Variants in CD36 observed in about 807,000 individuals in gnomAD.
The protein encoded by CD36 is platelet glycoprotein 4.
In CD36, 119 loss-of-function variants were observed where a neutral mutation model predicts 55.2. The observed-to-expected ratio is 2.15, with a 90% confidence interval of 1.86 to 2.51. The LOEUF (loss-of-function observed/expected upper bound fraction) is 2.51. CD36 is among the 30% of genes most tolerant of loss of function. The pLI, the probability that CD36 is intolerant of heterozygous loss-of-function variation, is 0.00. For missense variants in CD36, 819 were observed against 555.5 expected, an observed-to-expected ratio of 1.47 and a Z score of -4.77; for synonymous variants, 186 against 193.6, an observed-to-expected ratio of 0.96 and a Z score of 0.33.
intron 1 of CD36, among the ~76,000 whole-genome samples, chr7:80,622,094 G>T (rs1228248496): frequency 1.3e-5 from 2 of 152,180 alleles, no homozygotes. Flanking sequence ...TCCGTAAAAG[G>T]CCCCATACCC....
chr7:80,615,289 T>C (rs1462211705), intron 1 of CD36, among the ~76,000 whole-genome samples: 1 of 152,212 alleles, frequency 6.6e-6, no homozygotes, highest in African/African-American at 2.4e-5. Flanking sequence ...CTCCAACTTA[T>C]AATTATTTAA....
At position 80,666,448 on chromosome 7, in the gene CD36, TG is replaced by T; in HGVS notation, c.708del (p.Ser237ProfsTer9). On this transcript the variant is annotated frameshift_variant, in exon 8 of 15. Transcript: ENST00000447544. LOFTEE classifies it high-confidence loss of function. ...IIDTYKGKRN[L>X]SYWESHCDMI... is the part of the protein sequence containing the mutation. ...TTGTCTTTTTCTATTCCTAGGAATC[TG>T]TCCTATTGGGAAAGTCACTGCGACA... is the stretch of plus-strand genomic sequence containing the variant. The T allele has an allele frequency of 6.3e-7, 1 of 1,598,528 alleles. No homozygotes were observed. Among genetic ancestry groups the T allele is most frequent in the African/African-American group, 1.3e-5 (1 of 74,744 alleles).
At chr7:80,671,832 G>A in intron 10 of CD36, 90 bp from the exon 11 acceptor site, 1 of 1,180,482 alleles carries the variant, frequency 8.5e-7, no homozygotes, top group African/African-American at 1.5e-5. Context: ...TTTAATGCAA[G>A]AAGCTTTAGT....
chr7:80,625,613 T>C (rs1793699302), intron 1 of CD36, among the ~76,000 whole-genome samples: 1 of 152,138 alleles, frequency 6.6e-6, no homozygotes, highest in Admixed American at 6.6e-5. Context: ...CTAGACAAGC[T>C]GTGATTAAAT....
At chr7:80,666,620 CAG>C in intron 8 of CD36, 131 bp downstream of exon 8, 2 of 731,276 alleles carry the variant, frequency 2.7e-6, no homozygotes, top group South Asian at 1.4e-5. Flanking sequence ...CAACAAAATT[CAG>C]AGTCACTATT....
At chr7:80,630,684 T>G (rs1051428707) in intron 1 of CD36, among the ~76,000 whole-genome samples, 25 of 151,978 alleles carry the variant, frequency 1.6e-4, no homozygotes, top group South Asian at 4.1e-4. Flanking sequence ...CCTGCCTATT[T>G]TGATTACCCA....
At chr7:80,642,464 T>C (rs1352963064) in intron 1 of CD36, among the ~76,000 whole-genome samples, 1 of 152,166 alleles carries the variant, frequency 6.6e-6, no homozygotes, top group Non-Finnish European at 1.5e-5. Flanking sequence ...AAAAGCTGTG[T>C]GACTACATGT....
In CD36 at chr7:80,666,458, G is replaced by C; in HGVS notation, c.717G>C (p.Trp239Cys). The part of the protein sequence containing the change: ...TYKGKRNLSY[W>C]ESHCDMINGT... ...CTATTCCTAGGAATCTGTCCTATTG[G>C]GAAAGTCACTGCGACATGATTAATG... is the stretch of plus-strand genomic sequence containing the variant. Residue 239 changes from tryptophan (W) to cysteine (C), a missense_variant, in exon 8 of 15, where the codon TGG (tryptophan) becomes TGC (cysteine). Physicochemically the swap from Trp to Cys is radical, Grantham distance 215 (BLOSUM62 -2). Transcript: ENST00000447544. The C allele has an allele frequency of 6.2e-7, 1 of 1,606,934 alleles. No individual in the cohort carries two copies. Among genetic ancestry groups the C allele is most frequent in the African/African-American group, 1.3e-5 (1 of 74,868 alleles).
intron 3 of CD36, among the ~76,000 whole-genome samples, chr7:80,647,609 G>C (rs894956525): frequency 1.3e-5 from 2 of 152,228 alleles, no homozygotes; most frequent in South Asian, 2.1e-4. Flanking sequence ...TGATTGATAG[G>C]GGGAAGAAGA....
intron 3 of CD36, among the ~76,000 whole-genome samples, chr7:80,652,840 A>G (rs1306991394): frequency 6.6e-6 from 1 of 152,182 alleles, no homozygotes; most frequent in African/African-American, 2.4e-5. Context: ...AATAGCTGAC[A>G]TTTATTGAAT....
At position 80,608,311 on chromosome 7, in the gene CD36, T is replaced by C. The variant is rs374236134; in HGVS notation, c.-184+5932T>C. Among the ~76,000 whole-genome samples the C allele has an allele frequency of 7.9e-5, 12 of 152,292 alleles. No homozygotes were observed. In the East Asian group the frequency reaches 1.5e-3, roughly 20 times the overall value. On this transcript the variant is annotated intron_variant, in intron 1 of 13. Transcript: ENST00000309881. ...AAAGTGCCTAGTATTTAATGAGAAG[T>C]AAATTACTGGTTGAGGCATACTCTC...
intron 4 of CD36, among the ~76,000 whole-genome samples, chr7:80,660,769 C>T (rs966152109): frequency 6.6e-6 from 1 of 152,164 alleles, no homozygotes; most frequent in Non-Finnish European, 1.5e-5. Context: ...CTCACCCCTA[C>T]CCTGACCATT....
chr7:80,614,701 C>G (rs781668985), intron 1 of CD36, among the ~76,000 whole-genome samples: 15 of 152,190 alleles, frequency 9.9e-5, no homozygotes, highest in Middle Eastern at 3.4e-3. Context: ...GTTCCTGACC[C>G]CAATTCCAAT....
intron 3 of CD36, among the ~76,000 whole-genome samples, chr7:80,649,890 TAGG>T (rs1795467311): frequency 6.6e-6 from 1 of 151,942 alleles, no homozygotes; most frequent in Non-Finnish European, 1.5e-5. Flanking sequence ...TAGAAGTTAA[TAGG>T]AGGCCAGAAC....
At chr7:80,658,751 C>T (rs1796286086) in intron 4 of CD36, among the ~76,000 whole-genome samples, 1 of 152,156 alleles carries the variant, frequency 6.6e-6, no homozygotes, top group African/African-American at 2.4e-5. Flanking sequence ...GTGCCTTGGC[C>T]TCGCAAAGTG....
intron 6 of CD36, 93 bp from the exon 7 acceptor site, chr7:80,664,313 C>A: frequency 1.3e-6 from 1 of 756,654 alleles, no homozygotes; most frequent in Non-Finnish European, 2.4e-6. Context: ...ATTTGAGTAA[C>A]CAGTGATTGA....
At chr7:80,676,269 C>T (rs1798161477) in intron 14 of CD36, 115 bp from the exon 15 acceptor site, 1 of 152,180 alleles carries the variant, frequency 6.6e-6, no homozygotes, top group African/African-American at 2.4e-5. Context: ...TAAGCAACTG[C>T]ACATTTCAAA....
At chr7:80,630,515 C>G (rs565743809) in intron 1 of CD36, among the ~76,000 whole-genome samples, 1 of 151,998 alleles carries the variant, frequency 6.6e-6, no homozygotes, top group African/African-American at 2.4e-5. Context: ...AAAGTCTATA[C>G]TGAAAGCTTA....
intron 8 of CD36, among the ~76,000 whole-genome samples, chr7:80,667,747 GTT>G (rs1165767460): frequency 2.4e-5 from 2 of 82,636 alleles, no homozygotes; most frequent in African/African-American, 4.1e-5. Context: ...GTTTTCTTTT[GTT>G]TTTTTTTTTT....
Sources: allele counts gnomAD v4.1 joint callset (sites outside exome capture counted in the v4.1 genomes callset), GRCh38; gene constraint gnomAD v4.1.1; transcripts MANE v1.5; gene names NCBI Gene and HGNC (gene_info 2026-07-23, HGNC 2026-07-21).